TMEM25: variants seen among roughly 807,000 people sequenced by gnomAD.
TMEM25 encodes the protein transmembrane protein 25, also known as 0610039J01Rik.
TMEM25 carries 36 observed loss-of-function variants against 37.0 expected under a neutral mutation model. The ratio of observed to expected loss-of-function variants is 0.97; its 90% CI spans 0.75 to 1.28. TMEM25 has a LOEUF of 1.28. Ranked by LOEUF, TMEM25 falls within the 50% of genes most tolerant of loss-of-function variation. The pLI is 0.00. For synonymous variants in TMEM25, 197 were observed against 203.7 expected (o/e 0.97, Z 0.28); for missense variants, 444 against 477.9 (o/e 0.93, Z 0.66).
Position 118,533,461 on chromosome 11 carries a change from G to A in TMEM25, c.715G>A (p.Val239Ile). The change falls in exon 5 of 9, where the codon GTT becomes ATT. Residue 239 changes from valine to isoleucine, a missense_variant. Physicochemically the swap from Val to Ile is conservative, Grantham distance 29 (BLOSUM62 3). Coordinates refer to ENST00000313236, the MANE Select transcript of TMEM25 (RefSeq NM_032780.4). The stretch of plus-strand genomic sequence containing the variant: ...GGTGGAAGTGCCACTGCTGGGCATT[G>A]TTGTGGCTGCTGGGCTTGCACTGGG... ...TRVEVPLLGI[V>I]VAAGLALGTL... 1 of 1,614,048 alleles carries A rather than the reference G, an allele frequency of 6.2e-7. No homozygotes were observed. The highest frequency in any genetic ancestry group is 1.3e-5 in the African/African-American group (1 of 75,050).
intron 8 of TMEM25, chr11:118,545,699 C>G (rs1951664604): frequency 3.6e-6 from 5 of 1,383,084 alleles, no homozygotes; most frequent in Middle Eastern, 1.8e-4. Context: ...GGCTGAAACT[C>G]AAGATACTAT....
Position 118,534,372 on chromosome 11 carries a change from C to T in TMEM25, c.1027+17C>T. On this transcript the variant is annotated intron_variant, in intron 8 of 8. Transcript: ENST00000313236. The surrounding 1 kb of genome is among the most constrained non-coding windows in gnomAD (Gnocchi z 4.6). ...CCAGCCAAGGTACTGGGGAAGGGGC[C>T]TGCCACCCTCCTCCTCTGCCCCCCA... The T allele has an allele frequency of 6.2e-7, 1 of 1,613,150 alleles. No individual in the cohort carries two copies. Among genetic ancestry groups the T allele is most frequent in the Admixed American group, 1.7e-5 (1 of 59,898 alleles).
chr11:118,533,161 G>A lies in TMEM25; in HGVS notation c.627G>A (p.Val209=). ...GCCTGGCACACAACCTCTCGGTGGT[G>A]GCCACCAATGACGTGGGTGTCACCA... is the stretch of plus-strand genomic sequence containing the variant. ...LRSLAHNLSV[V]ATNDVGVTSA... The change falls in exon 4 of 9, where the codon GTG becomes GTA. Residue 209 remains valine, a synonymous_variant. Transcript: ENST00000313236. 1 of 1,501,838 alleles carries A rather than the reference G, an allele frequency of 6.7e-7. No homozygotes were observed. The highest frequency in any genetic ancestry group is 1.8e-5 in the African/African-American group (1 of 57,052). The allele number at this position is 1,501,838 out of a possible 1,614,324, so 93.0% of individuals were successfully genotyped here. A position where few individuals can be genotyped will look rare whatever the true frequency, so the allele number is the denominator to read the frequency against.
At chr11:118,543,398 C>T (rs988852251) in intron 8 of TMEM25, among the ~76,000 whole-genome samples, 2 of 152,154 alleles carry the variant, frequency 1.3e-5, no homozygotes, top group African/African-American at 2.4e-5. Flanking sequence ...GCAATGACTA[C>T]CACCCCTTTG....
chr11:118,543,900 G>A (rs922943258), intron 8 of TMEM25, among the ~76,000 whole-genome samples: 1 of 151,392 alleles, frequency 6.6e-6, no homozygotes. Flanking sequence ...TCCACCTCAC[G>A]GATTCAAGTG....
chr11:118,541,671 T>C (rs137911100), intron 8 of TMEM25, among the ~76,000 whole-genome samples: 2 of 152,236 alleles, frequency 1.3e-5, no homozygotes, highest in Middle Eastern at 3.4e-3. Flanking sequence ...TAGTATCCAA[T>C]AGGTAGTTTT....
At chr11:118,541,647 C>G (rs1449418571) in intron 8 of TMEM25, among the ~76,000 whole-genome samples, 1 of 152,028 alleles carries the variant, frequency 6.6e-6, no homozygotes. Context: ...TGGTATCACA[C>G]CAGGTAGTGA....
downstream of TMEM25, among the ~76,000 whole-genome samples, chr11:118,537,686 ATTTCT>A (rs1329344151): frequency 6.6e-6 from 1 of 152,262 alleles, no homozygotes; most frequent in East Asian, 1.9e-4. Flanking sequence ...TGATATTTTG[ATTTCT>A]TTTCCTTTTT....
rs549922105 is a variant in TMEM25 at position 118,545,231 on chromosome 11, C to T, written c.1028-888C>T. ...TCCACCCACCCTTTTTTTTCCTCCA[C>T]TTTCCCCTTGAAAACTCCATCCCTG... On this transcript the variant is annotated intron_variant, in intron 8 of 8. Coordinates refer to the TMEM25 transcript ENST00000354284. 8.2e-4 allele frequency among the ~76,000 whole-genome samples: 124 copies of T among 152,080 alleles called. 1 individual carries two copies. Among genetic ancestry groups the T allele is most frequent in the Middle Eastern group, 3.4e-3 (1 of 294 alleles).
downstream of TMEM25, among the ~76,000 whole-genome samples, chr11:118,540,261 G>C (rs1207405973): frequency 6.6e-6 from 1 of 151,904 alleles, no homozygotes; most frequent in Admixed American, 6.6e-5. Flanking sequence ...GGGTTGGCTT[G>C]GCTTCCATGG....
rs782059413 is a variant in TMEM25, at chr11:118,535,339, G to A, written c.*759G>A. ...CGATGAGTCTAGTAGCACCCAGGAC[G>A]GCTTGTAGCTATGCATCATTTTCCT... is the stretch of plus-strand genomic sequence containing the variant. On this transcript the variant is annotated 3_prime_UTR_variant, in exon 9 of 9. Coordinates refer to ENST00000313236, the MANE Select transcript of TMEM25 (RefSeq NM_032780.4). 6.7e-5 allele frequency: 93 copies of A among 1,382,098 alleles called. No individual in the cohort carries two copies. Among genetic ancestry groups the A allele is most frequent in the Non-Finnish European group, 7.8e-5 (84 of 1,070,132 alleles). The allele number at this position is 1,382,098 out of a possible 1,614,324, so 85.6% of individuals were successfully genotyped here. A position where few individuals can be genotyped will look rare whatever the true frequency, so the allele number is the denominator to read the frequency against.
rs1555062687 is a variant in TMEM25, at chr11:118,535,263, T to C, written c.*683T>C. The stretch of plus-strand genomic sequence containing the variant: ...TTCACTGGGCACTAGACTTTTCTAT[T>C]GGCCTGTGCCATCGCCCAGTATTAG... On this transcript the variant is annotated 3_prime_UTR_variant, in exon 9 of 9. Coordinates refer to ENST00000313236, the MANE Select transcript of TMEM25 (RefSeq NM_032780.4). 3.3e-6 allele frequency: 4 copies of C among 1,215,890 alleles called. No individual in the cohort carries two copies. In the African/African-American group the frequency reaches 6.2e-5, roughly 19 times the overall value. The allele number at this position is 1,215,890 out of a possible 1,614,324, so 75.3% of individuals were successfully genotyped here.
chr11:118,533,317 A>G, intron 4 of TMEM25, 103 bp from the exon 5 acceptor site: 4 of 1,575,608 alleles, frequency 2.5e-6, no homozygotes, highest in Non-Finnish European at 3.4e-6. Context: ...TTGTGGATGA[A>G]CTGTCCCCAG....
At chr11:118,541,475 A>AAAAAAAAAG (rs534709160) in intron 8 of TMEM25, among the ~76,000 whole-genome samples, 1 of 137,346 alleles carries the variant, frequency 7.3e-6, no homozygotes, top group African/African-American at 2.8e-5. Context: ...AAAAAAAAAA[A>AAAAAAAAAG]AAAAGAAAAA....
exon 9 of TMEM25, chr11:118,546,315 T>C (rs1951684999): frequency 3.3e-6 from 2 of 601,580 alleles, no homozygotes; most frequent in Admixed American, 2.9e-5. Context: ...CTGGGCAACA[T>C]GGTGAAATTC....
At chr11:118,531,655 G>A in intron 1 of TMEM25, 120 bp from the exon 2 acceptor site, 1 of 791,420 alleles carries the variant, frequency 1.3e-6, no homozygotes, top group African/African-American at 1.7e-5. Flanking sequence ...CGCCACTGGG[G>A]GCTGGTCTAC....
chr11:118,543,591 G>A (rs1555066272), intron 8 of TMEM25, among the ~76,000 whole-genome samples: 1 of 151,926 alleles, frequency 6.6e-6, no homozygotes. Context: ...GGGTTCAAGT[G>A]ATTCTCCTGT....
At chr11:118,546,347 C>T (rs1951685869) in exon 9 of TMEM25, 8 of 568,818 alleles carry the variant, frequency 1.4e-5, no homozygotes, top group Admixed American at 9.2e-5. Flanking sequence ...AAAAATTAGC[C>T]GGGTGTGGTG....
chr11:118,541,461 CAAA>C (rs1216078404), intron 8 of TMEM25, among the ~76,000 whole-genome samples: 1 of 32,868 alleles, frequency 3.0e-5, no homozygotes. Flanking sequence ...GACCCTGTCT[CAAA>C]AAAAAAAAAA....
Sources: gnomAD v4.1 joint callset for allele counts (sites outside exome capture counted in the v4.1 genomes callset) on GRCh38, gnomAD v4.1.1 for gene constraint, Gnocchi (gnomAD v3.1) non-coding constraint, MANE v1.5 for transcripts, NCBI Gene and HGNC (gene_info 2026-07-23, HGNC 2026-07-21) for gene names.